The following INPP5F variants were observed in gnomAD, a reference collection of about 807,000 sequenced individuals.
INPP5F encodes phosphatidylinositide 4-phosphatase SAC2.
A neutral mutation model predicts 137.2 loss-of-function variants in INPP5F; 97 were observed. The observed-to-expected ratio is 0.71, with a 90% confidence interval of 0.60 to 0.84. The LOEUF is 0.84. INPP5F is among the 40% of genes least tolerant of loss of function. The pLI, the probability that INPP5F is intolerant of heterozygous loss-of-function variation, is 0.00. For synonymous variants in INPP5F, 504 were observed against 476.9 expected (o/e 1.06, Z -0.74); for missense variants, 1,271 against 1,371.9 (o/e 0.93, Z 1.16).
intron 15 of INPP5F, among the ~76,000 whole-genome samples, chr10:119,817,652 A>G (rs993220758): frequency 7.2e-5 from 11 of 152,072 alleles, no homozygotes; most frequent in Admixed American, 2.0e-4. Context: ...TTGGAAAAAC[A>G]TGTATTCAAA....
chr10:119,755,593 T>A (rs148353999), intron 2 of INPP5F, among the ~76,000 whole-genome samples: 260 of 152,310 alleles, frequency 1.7e-3, no homozygotes, highest in African/African-American at 6.1e-3. Context: ...AAATGCTTCA[T>A]TACAAAAGCA....
At chr10:119,736,274 A>C (rs535698084) in intron 1 of INPP5F, among the ~76,000 whole-genome samples, 40 of 152,224 alleles carry the variant, frequency 2.6e-4, no homozygotes, top group Non-Finnish European at 5.9e-4. Flanking sequence ...TTCTTAAGGT[A>C]ATGAGTTTGG....
chr10:119,825,426 G>T (rs959957863), intron 19 of INPP5F, among the ~76,000 whole-genome samples: 3 of 152,090 alleles, frequency 2.0e-5, no homozygotes, highest in African/African-American at 7.2e-5. Flanking sequence ...ATCCCTCTAG[G>T]TGTGTTTAAA....
intron 2 of INPP5F, among the ~76,000 whole-genome samples, chr10:119,764,113 C>T (rs1419421949): frequency 6.6e-6 from 1 of 152,136 alleles, no homozygotes; most frequent in Non-Finnish European, 1.5e-5. Flanking sequence ...CTTTCTGAGT[C>T]CTCACCAGAA....
intron 15 of INPP5F, among the ~76,000 whole-genome samples, chr10:119,820,072 A>G (rs984955815): frequency 2.0e-5 from 3 of 152,348 alleles, no homozygotes; most frequent in Admixed American, 1.3e-4. Context: ...TTAGATTAAT[A>G]TTAGACTAAA....
chr10:119,815,737 A>G, intron 15 of INPP5F: 1 of 208,550 alleles, frequency 4.8e-6, no homozygotes, highest in Non-Finnish European at 1.0e-5. Context: ...GAGGTAGAAC[A>G]CAGGACACAA....
At position 119,785,286 on chromosome 10, in the gene INPP5F, GTTT is replaced by G. The variant is rs71019717; in HGVS notation, c.315+3529_315+3531del. On this transcript the variant is annotated intron_variant, in intron 3 of 19. Coordinates refer to ENST00000650623, the MANE Select transcript of INPP5F (RefSeq NM_014937.4). The stretch of plus-strand genomic sequence containing the variant: ...TAACCTTTTGTGGAACTGCCAGACT[GTTT>G]TTTTTTTTTTTTTGGAGACGGAGCC... Among the ~76,000 whole-genome samples, 19 of 106,236 alleles carry G rather than the reference GTTT, an allele frequency of 1.8e-4. 2 individuals carry two copies. The South Asian group carries it at 2.7e-3, about 15-fold the overall frequency. The allele number at this position is 106,236 out of a possible 152,430, so 69.7% of individuals were successfully genotyped here. A position where few individuals can be genotyped will look rare whatever the true frequency, so the allele number is the denominator to read the frequency against.
chr10:119,826,639 G>A lies in INPP5F; in HGVS notation c.2258G>A (p.Ser753Asn), dbSNP rs1589762433. 1.3e-6 allele frequency: 2 copies of A among 1,579,512 alleles called. No individual in the cohort carries two copies. The highest frequency in any genetic ancestry group is 2.4e-5 in the South Asian group (2 of 84,664). Residue 753 changes from serine to asparagine, a missense_variant, in exon 20 of 20, where the codon AGT (serine) becomes AAT (asparagine). Ser to Asn is a conservative substitution (Grantham distance 46, BLOSUM62 1). Transcript: ENST00000650623. The stretch of plus-strand genomic sequence containing the variant: ...TCTCTTCTAATTTGTAGGAAGAGCA[G>A]TAAACCTCACGAAGACATCATTGGT... ...IIEKKLERKS[S>N]KPHEDIIGIR... is the part of the protein sequence containing the mutation.
chr10:119,736,204 T>C (rs1848211404), intron 1 of INPP5F, among the ~76,000 whole-genome samples: 1 of 152,234 alleles, frequency 6.6e-6, no homozygotes, highest in South Asian at 2.1e-4. Context: ...ATGAATGCAT[T>C]ATGAATGCAT....
At chr10:119,792,284 T>C (rs964303515) in intron 6 of INPP5F, 71 bp downstream of exon 6, 181 of 1,080,554 alleles carry the variant, frequency 1.7e-4, no homozygotes, top group Admixed American at 6.3e-4. Context: ...CGTCTGGTTA[T>C]AATTGTTAAG....
At position 119,760,060 on chromosome 10, in the gene INPP5F, G is replaced by GT. The variant is rs138541781; in HGVS notation, c.178+8906dup. On this transcript the variant is annotated intron_variant, in intron 2 of 19. Transcript: ENST00000650623. ...ACAGTTCTGAGCTCCCCAGAGTGTG[G>GT]TTACACAAGTATGCTTCTTATTCCT... 2.1e-3 allele frequency among the ~76,000 whole-genome samples: 316 copies of GT among 152,280 alleles called. 3 individuals are homozygous for GT. In the East Asian group the frequency reaches 0.053, roughly 26 times the overall value.
At chr10:119,824,689 A>AACAG (rs1274886048) in intron 19 of INPP5F, among the ~76,000 whole-genome samples, 1 of 152,180 alleles carries the variant, frequency 6.6e-6, no homozygotes, top group African/African-American at 2.4e-5. Flanking sequence ...TTTCTGTGTA[A>AACAG]ACCTAAGACT....
chr10:119,791,643 A>C lies in INPP5F; in HGVS notation c.442A>C (p.Lys148Gln). Residue 148 changes from lysine (K) to glutamine (Q), a missense_variant and splice_region_variant, in exon 4 of 20, where the codon AAA becomes CAA. Transcript: ENST00000650623. ...KSNVSAPNKK[K>Q]VKESKEKEKL... is the part of the protein sequence containing the mutation. ...CAATGTGTCTGCTCCTAATAAAAAG[A>C]AAGTAAGAGTTTAATTGATATAGGC... is the stretch of plus-strand genomic sequence containing the variant. 1 of 1,601,272 alleles carries C rather than the reference A, an allele frequency of 6.2e-7. No individual in the cohort carries two copies.
intron 2 of INPP5F, among the ~76,000 whole-genome samples, chr10:119,771,165 G>A (rs1202121029): frequency 1.3e-5 from 2 of 151,962 alleles, no homozygotes; most frequent in Non-Finnish European, 2.9e-5. Flanking sequence ...CTGTCTCTAG[G>A]GATTTTCCTG....
In INPP5F at chr10:119,762,724, T is replaced by C. The variant is rs567790164; in HGVS notation, c.178+11568T>C. ...CATTTTACATAAGGGACTTGAACAT[T>C]TGAGGATTTTGGTATCTATAGGGGG... On this transcript the variant is annotated intron_variant, in intron 2 of 19. Transcript: ENST00000650623. Among the ~76,000 whole-genome samples the C allele has an allele frequency of 3.9e-5, 6 of 152,284 alleles. No individual in the cohort carries two copies. The South Asian group carries it at 1.2e-3, about 32-fold the overall frequency.
In INPP5F at chr10:119,829,084, C is replaced by CTTT. The variant is rs963003965; in HGVS notation, c.*1312_*1314dup. 6.7e-6 allele frequency: 1 copy of CTTT among 149,578 alleles called. No individual in the cohort carries two copies. The highest frequency in any genetic ancestry group is 1.5e-5 in the Non-Finnish European group (1 of 67,040). The allele number at this position is 149,578 out of a possible 1,614,324, so 9.3% of individuals were successfully genotyped here. On this transcript the variant is annotated 3_prime_UTR_variant, in exon 20 of 20. Coordinates refer to ENST00000650623, the MANE Select transcript of INPP5F (RefSeq NM_014937.4). ...CACTTTTGTTATTTATTAGTGCTAT[C>CTTT]TTTTTTTTTTACGTGTTAAATCTTG... is the stretch of plus-strand genomic sequence containing the variant.
At chr10:119,805,259 C>A in intron 10 of INPP5F, 125 bp from the exon 11 acceptor site, 2 of 657,716 alleles carry the variant, frequency 3.0e-6, no homozygotes, top group South Asian at 1.9e-5. Context: ...GTAGTATTAA[C>A]CTCATATATG....
At chr10:119,733,934 G>A (rs2134102061) in intron 1 of INPP5F, among the ~76,000 whole-genome samples, 1 of 152,300 alleles carries the variant, frequency 6.6e-6, no homozygotes, top group South Asian at 2.1e-4. Context: ...TGAATGAATT[G>A]AAATAATTCT....
intron 1 of INPP5F, among the ~76,000 whole-genome samples, chr10:119,741,810 C>G (rs539275122): frequency 6.6e-6 from 1 of 152,236 alleles, no homozygotes; most frequent in Non-Finnish European, 1.5e-5. Context: ...GTTGGGATTA[C>G]AGGCGTGAGC....
Sources: gnomAD v4.1 joint callset for allele counts (sites outside exome capture counted in the v4.1 genomes callset) on GRCh38, gnomAD v4.1.1 for gene constraint, MANE v1.5 for transcripts, NCBI Gene and HGNC (gene_info 2026-07-23, HGNC 2026-07-21) for gene names.